Variants in SLC2A14 observed in about 807,000 individuals in gnomAD.
SLC2A14 encodes the protein solute carrier family 2, facilitated glucose transporter member 14.
Under a neutral mutation model 43.0 loss-of-function variants are expected in SLC2A14, and 13 were observed. That is an observed-to-expected ratio of 0.30 (90% CI 0.20 to 0.48). The LOEUF (loss-of-function observed/expected upper bound fraction) is 0.48, where lower values mean the gene tolerates loss of function less well. Ranked by LOEUF, SLC2A14 falls within the 20% of genes least tolerant of loss-of-function variation. The probability of loss-of-function intolerance (pLI) is 0.99; values close to 1 mark genes in which losing one functional copy is unlikely to be tolerated. For missense variants in SLC2A14, 428 were observed against 620.4 expected (o/e 0.69, Z 3.29); for synonymous variants, 190 against 233.8 (o/e 0.81, Z 1.71).
At chr12:7,883,131 C>T (rs1237825160) in intron 1 of SLC2A14, among the ~76,000 whole-genome samples, 1 of 151,882 alleles carries the variant, frequency 6.6e-6, no homozygotes, top group African/African-American at 2.4e-5. Flanking sequence ...ATCGCTGGAA[C>T]CCAGAAGTCA....
intron 2 of SLC2A14, among the ~76,000 whole-genome samples, chr12:7,846,418 AC>A (rs1451114739): frequency 6.6e-6 from 1 of 151,522 alleles, no homozygotes; most frequent in Non-Finnish European, 1.5e-5. Context: ...AAAAAAAAAA[AC>A]TTTATCCTTA....
At chr12:7,841,380 C>A (rs1865933037) in intron 2 of SLC2A14, among the ~76,000 whole-genome samples, 1 of 152,112 alleles carries the variant, frequency 6.6e-6, no homozygotes, top group Non-Finnish European at 1.5e-5. Flanking sequence ...CCTGCCTCAG[C>A]CTCCCAAGCA....
chr12:7,872,889 C>T lies in SLC2A14; in HGVS notation c.-140G>A. ...CGGGCCGCTGCGCCCCCGCCGGCCC[C>T]GCCTGCAGCCGTTGGGACCCACTAA... On this transcript the variant is annotated 5_prime_UTR_variant, in exon 1 of 11. Coordinates refer to ENST00000431042, the MANE Select transcript of SLC2A14 (RefSeq NM_001286234.2). 2 of 985,640 alleles carry T rather than the reference C, an allele frequency of 2.0e-6. No individual in the cohort carries two copies. The highest frequency in any genetic ancestry group is 1.2e-6 in the Non-Finnish European group (1 of 830,136). The allele number at this position is 985,640 out of a possible 1,614,324, so 61.1% of individuals were successfully genotyped here.
intron 2 of SLC2A14, among the ~76,000 whole-genome samples, chr12:7,864,412 C>T (rs980329290): frequency 6.6e-6 from 1 of 152,132 alleles, no homozygotes; most frequent in Non-Finnish European, 1.5e-5. Context: ...AATCTCAGCT[C>T]ACTGCAACCT....
intron 2 of SLC2A14, among the ~76,000 whole-genome samples, chr12:7,840,957 C>T (rs76228057): frequency 0.012 from 1,867 of 149,792 alleles, 12 homozygotes; most frequent in Middle Eastern, 0.034. Context: ...TGCGCTAAGT[C>T]GGCGATGATG....
chr12:7,883,740 C>T (rs958597624), intron 1 of SLC2A14, among the ~76,000 whole-genome samples: 2 of 148,218 alleles, frequency 1.3e-5, no homozygotes, highest in African/African-American at 5.0e-5. Context: ...CCCACCACCA[C>T]GCCGGGCTAA....
chr12:7,813,965 C>G lies in SLC2A14; in HGVS notation c.*351G>C, dbSNP rs919974768. On this transcript the variant is annotated 3_prime_UTR_variant, in exon 11 of 11. Transcript: ENST00000431042. Reference sequence around the variant, plus strand: ...CTTCCTGGTAAGTCTGAGGTTGGGGCAACTGCACCTTACTTTTCCTCTCCT... The same window carrying G: ...CTTCCTGGTAAGTCTGAGGTTGGGGGAACTGCACCTTACTTTTCCTCTCCT... The G allele has an allele frequency of 1.4e-4, 41 of 299,438 alleles. No homozygotes were observed. Among genetic ancestry groups the G allele is most frequent in the Admixed American group, 2.0e-4 (5 of 25,114 alleles). The allele number at this position is 299,438 out of a possible 1,614,324, so 18.5% of individuals were successfully genotyped here. A position where few individuals can be genotyped will look rare whatever the true frequency, so the allele number is the denominator to read the frequency against.
intron 4 of SLC2A14, among the ~76,000 whole-genome samples, chr12:7,830,941 T>C (rs1477572271): frequency 6.6e-6 from 1 of 152,010 alleles, no homozygotes; most frequent in Non-Finnish European, 1.5e-5. Flanking sequence ...ATGGCCAATA[T>C]GGTGAAACCC....
intron 2 of SLC2A14, among the ~76,000 whole-genome samples, chr12:7,864,447 T>C (rs1185348841): frequency 6.6e-6 from 1 of 152,110 alleles, no homozygotes; most frequent in Non-Finnish European, 1.5e-5. Flanking sequence ...GAAGCCATTC[T>C]CCTGCCTCAG....
intron 10 of SLC2A14, among the ~76,000 whole-genome samples, chr12:7,816,779 C>T (rs1377010305): frequency 6.6e-6 from 1 of 151,950 alleles, no homozygotes; most frequent in Non-Finnish European, 1.5e-5. Context: ...AAGATCTTGG[C>T]TCACCACGAA....
At chr12:7,878,595 G>A (rs1391629765) in intron 1 of SLC2A14, among the ~76,000 whole-genome samples, 1 of 151,994 alleles carries the variant, frequency 6.6e-6, no homozygotes, top group African/African-American at 2.4e-5. Flanking sequence ...AGTATATACT[G>A]TGGGTGTATA....
intron 7 of SLC2A14, among the ~76,000 whole-genome samples, chr12:7,821,825 CTTTTTTTTT>C (rs71038774): frequency 7.9e-6 from 1 of 127,258 alleles, no homozygotes; most frequent in African/African-American, 3.0e-5. Context: ...GTATTTCTTT[CTTTTTTTTT>C]TTTTTTTTGA....
upstream of SLC2A14, among the ~76,000 whole-genome samples, chr12:7,878,459 A>G (rs1182726455): frequency 2.6e-5 from 4 of 151,566 alleles, no homozygotes; most frequent in Middle Eastern, 3.2e-3. Context: ...GGGTTTCACC[A>G]TGTTGGCCAG....
intron 1 of SLC2A14, among the ~76,000 whole-genome samples, chr12:7,887,007 G>C (rs1415534683): frequency 6.6e-6 from 1 of 151,230 alleles, no homozygotes. Context: ...CGCCTCCCAG[G>C]TTCAAGCAAT....
At chr12:7,858,813 T>C (rs778317243) in intron 2 of SLC2A14, among the ~76,000 whole-genome samples, 1 of 152,256 alleles carries the variant, frequency 6.6e-6, no homozygotes, top group South Asian at 2.1e-4. Flanking sequence ...ATTTTAAATT[T>C]TGAATATATC....
At chr12:7,876,645 A>G (rs1945468600), upstream of SLC2A14, among the ~76,000 whole-genome samples, 1 of 152,160 alleles carries the variant, frequency 6.6e-6, no homozygotes, top group South Asian at 2.1e-4. Flanking sequence ...ACTGCATCCC[A>G]TATTCATTGC....
chr12:7,831,900 G>C, intron 3 of SLC2A14, 136 bp from the exon 4 acceptor site: 1 of 1,068,312 alleles, frequency 9.4e-7, no homozygotes, highest in Non-Finnish European at 1.3e-6. Context: ...CCTGAGGTCA[G>C]GAGTTGCAGA....
chr12:7,882,530 TA>T (rs371401008), intron 1 of SLC2A14, among the ~76,000 whole-genome samples: 6 of 151,764 alleles, frequency 4.0e-5, no homozygotes, highest in African/African-American at 1.5e-4. Flanking sequence ...CAAAGAAAAA[TA>T]AAAGATATTT....
intron 1 of SLC2A14, among the ~76,000 whole-genome samples, chr12:7,882,520 CA>C (rs1392238508): frequency 6.6e-6 from 1 of 151,940 alleles, no homozygotes; most frequent in Non-Finnish European, 1.5e-5. Context: ...ACTTACCTCT[CA>C]AAGAAAAATA....
Sources: gnomAD v4.1 joint callset for allele counts (sites outside exome capture counted in the v4.1 genomes callset) on GRCh38, gnomAD v4.1.1 for gene constraint, MANE v1.5 for transcripts, NCBI Gene and HGNC (gene_info 2026-07-23, HGNC 2026-07-21) for gene names.